Variants in PFKP observed in about 807,000 individuals in gnomAD.
PFKP encodes the protein ATP-dependent 6-phosphofructokinase, platelet type.
A neutral mutation model predicts 94.3 loss-of-function variants in PFKP; 101 were observed. The ratio of observed to expected loss-of-function variants is 1.07; its 90% confidence interval spans 0.91 to 1.26. PFKP has a LOEUF of 1.26. Ranked by LOEUF, PFKP falls within the 50% of genes most tolerant of loss-of-function variation. The pLI is 0.00. For missense variants in PFKP, 1,145 were observed against 1,103.3 expected, an observed-to-expected ratio of 1.04 and a Z score of -0.53; for synonymous variants, 573 against 432.6, an observed-to-expected ratio of 1.32 and a Z score of -4.03.
Position 3,135,720 on chromosome 10 carries a change from TTAAAATCTTTTA to T in PFKP, c.2123-13_2123-2del, listed in dbSNP as rs771907298. 10 of 1,537,860 alleles carry T rather than the reference TTAAAATCTTTTA, an allele frequency of 6.5e-6. No individual in the cohort carries two copies. Among genetic ancestry groups the T allele is most frequent in the African/African-American group, 5.5e-5 (4 of 72,910 alleles). On this transcript the variant is annotated splice_region_variant and splice_polypyrimidine_tract_variant and intron_variant, in intron 20 of 21. Transcript: ENST00000381125. ...GTTGACAGGGTGTTATTAATCTTTT[TTAAAATCTTTTA>T]TAGGAAAAAAATTTACCACCGATGA...
At chr10:3,104,861 C>T in intron 5 of PFKP, 2 of 562,146 alleles carry the variant, frequency 3.6e-6, no homozygotes, top group Non-Finnish European at 6.3e-6. Context: ...AGAAGGTGTC[C>T]AACGTGCAAC....
chr10:3,126,727 C>A (rs1239401143), intron 16 of PFKP, among the ~76,000 whole-genome samples: 2 of 152,260 alleles, frequency 1.3e-5, no homozygotes, highest in African/African-American at 4.8e-5. Context: ...GCCACCTTTT[C>A]TTTCACCACC....
At chr10:3,116,707 A>G (rs1336988028) in intron 13 of PFKP, 69 bp from the exon 14 acceptor site, 10 of 1,189,844 alleles carry the variant, frequency 8.4e-6, no homozygotes, top group South Asian at 3.6e-5. Context: ...ACAGAAAGCT[A>G]TTTTTAGCAC....
chr10:3,073,369 A>G (rs933676232), intron 1 of PFKP, among the ~76,000 whole-genome samples: 3 of 151,496 alleles, frequency 2.0e-5, no homozygotes, highest in African/African-American at 7.3e-5. Context: ...CTGTGCTGGG[A>G]CCCCCAACCC....
chr10:3,094,867 G>T (rs964382208), intron 2 of PFKP, among the ~76,000 whole-genome samples: 3 of 152,122 alleles, frequency 2.0e-5, no homozygotes, highest in Non-Finnish European at 2.9e-5. Context: ...ACTAGGGAAA[G>T]CTTGATTCTG....
intron 10 of PFKP, among the ~76,000 whole-genome samples, chr10:3,110,365 A>ATTTTTTTT (rs57980780): frequency 2.1e-4 from 19 of 92,582 alleles, no homozygotes; most frequent in African/African-American, 3.3e-4. Flanking sequence ...CGCCTGGCTA[A>ATTTTTTTT]TTTTTTTTTT....
chr10:3,120,216 G>A (rs141797517), intron 16 of PFKP, among the ~76,000 whole-genome samples, 172 bp downstream of exon 16: 1 of 152,046 alleles, frequency 6.6e-6, no homozygotes, highest in South Asian at 2.1e-4. Flanking sequence ...GAAAATTTTT[G>A]ATCTCACTCC....
At chr10:3,110,810 GGTA>G (rs1836132464) in intron 10 of PFKP, among the ~76,000 whole-genome samples, 1 of 151,930 alleles carries the variant, frequency 6.6e-6, no homozygotes, top group African/African-American at 2.4e-5. Context: ...ATGTTTGTGA[GGTA>G]GTTTGGGTCT....
At chr10:3,127,229 G>A (rs1727929339) in intron 16 of PFKP, among the ~76,000 whole-genome samples, 1 of 152,256 alleles carries the variant, frequency 6.6e-6, no homozygotes, top group South Asian at 2.1e-4. Context: ...TTCCGTACCA[G>A]CTGTCGCTGC....
chr10:3,103,496 T>C (rs1564302547), intron 4 of PFKP, among the ~76,000 whole-genome samples: 1 of 152,038 alleles, frequency 6.6e-6, no homozygotes, highest in Non-Finnish European at 1.5e-5. Context: ...AATTAAGAAA[T>C]CAGCCAGGCA....
chr10:3,101,751 G>A (rs1017201069), intron 4 of PFKP, among the ~76,000 whole-genome samples, 197 bp downstream of exon 4: 1 of 152,172 alleles, frequency 6.6e-6, no homozygotes, highest in Non-Finnish European at 1.5e-5. Flanking sequence ...CTTACCATGT[G>A]CCAGGCACCC....
In PFKP at chr10:3,067,662, G is replaced by A. The variant is rs2099892278; in HGVS notation, c.67G>A (p.Ala23Thr). The A allele has an allele frequency of 6.5e-7, 1 of 1,533,492 alleles. No individual in the cohort carries two copies. The highest frequency in any genetic ancestry group is 8.8e-7 in the Non-Finnish European group (1 of 1,139,796). The allele number at this position is 1,533,492 out of a possible 1,614,324, so 95.0% of individuals were successfully genotyped here. A position where few individuals can be genotyped will look rare whatever the true frequency, so the allele number is the denominator to read the frequency against. ...LRKFLEHLSG[A>T]GKAIGVLTSG... ...GAAGTTCCTGGAGCACCTCTCCGGG[G>A]CCGGCAAGGCCATCGGCGTGCTGAC... Residue 23 changes from alanine to threonine, a missense_variant, in exon 1 of 22, where the codon GCC becomes ACC. Around this residue, in one of 3 missense-constraint regions of PFKP, gnomAD observed 1,119 missense variants for 1,062.8 expected, o/e 1.05. Transcript: ENST00000381125.
intron 1 of PFKP, among the ~76,000 whole-genome samples, chr10:3,082,072 G>A (rs1159543997): frequency 7.4e-6 from 1 of 136,020 alleles, no homozygotes; most frequent in Non-Finnish European, 1.5e-5. Context: ...CACACACACA[G>A]AATTTGGCTA....
At chr10:3,088,884 C>G (rs948285996) in intron 2 of PFKP, among the ~76,000 whole-genome samples, 1 of 152,034 alleles carries the variant, frequency 6.6e-6, no homozygotes, top group African/African-American at 2.4e-5. Flanking sequence ...CTGTTAGCTC[C>G]CACGTATGAG....
chr10:3,101,579 C>T (rs1161049531), intron 4 of PFKP, 25 bp downstream of exon 4: 1 of 1,474,858 alleles, frequency 6.8e-7, no homozygotes, highest in Non-Finnish European at 9.0e-7. Context: ...GCTCCTCTGT[C>T]CTGCGGGTTT....
intron 1 of PFKP, among the ~76,000 whole-genome samples, chr10:3,080,876 G>T (rs1833016832): frequency 6.6e-6 from 1 of 152,186 alleles, no homozygotes; most frequent in South Asian, 2.1e-4. Flanking sequence ...AAGGGTGTTA[G>T]CAGCATTCAG....
At position 3,113,519 on chromosome 10, in the gene PFKP, G is replaced by T. The variant is rs761962212; in HGVS notation, c.1371+1G>T. 2 of 1,611,936 alleles carry T rather than the reference G, an allele frequency of 1.2e-6. No individual in the cohort carries two copies. Among genetic ancestry groups the T allele is most frequent in the East Asian group, 2.2e-5 (1 of 44,876 alleles). ...CTTTGACGGCTTCGCCAAGGGCCAG[G>T]TGAGTCACCCAGGATGCCGTAGGCA... On this transcript the variant is annotated splice_donor_variant, in intron 13 of 21. Coordinates refer to ENST00000381125, the MANE Select transcript of PFKP (RefSeq NM_002627.5). LOFTEE classifies it high-confidence loss of function.
chr10:3,107,865 A>G (rs770983253), intron 8 of PFKP: 141 of 1,287,158 alleles, frequency 1.1e-4, no homozygotes, highest in Non-Finnish European at 1.4e-4. Context: ...GAGGACTCTG[A>G]TACCATGGGC....
At chr10:3,102,273 A>AAAAAAAAAAAAT (rs57186941) in intron 4 of PFKP, among the ~76,000 whole-genome samples, 2 of 142,120 alleles carry the variant, frequency 1.4e-5, no homozygotes, top group Non-Finnish European at 3.1e-5. Context: ...AAAAAAAAAA[A>AAAAAAAAAAAAT]CTGAAGTTGC....
Sources: allele counts gnomAD v4.1 joint callset (sites outside exome capture counted in the v4.1 genomes callset), GRCh38; gene constraint gnomAD v4.1.1; regional missense constraint gnomAD v4.1.1; transcripts MANE v1.5; gene names NCBI Gene and HGNC (gene_info 2026-07-23, HGNC 2026-07-21).